FOXC1: variants seen among roughly 807,000 people sequenced by gnomAD.
The protein encoded by FOXC1 is forkhead box protein C1.
In FOXC1, 5 loss-of-function variants were observed where a neutral mutation model predicts 8.1. That is an observed-to-expected ratio of 0.62 (90% confidence interval 0.32 to 1.30). FOXC1 has a LOEUF of 1.30. Among genes scored for constraint, FOXC1 ranks in the 50% most tolerant of loss-of-function variants. The pLI is 0.05. For missense variants in FOXC1, 942 were observed against 858.0 expected (o/e 1.10, Z -1.22); for synonymous variants, 552 against 417.2 (o/e 1.32, Z -3.94).
Position 1,610,649 on chromosome 6 carries a change from G to C in FOXC1, c.204G>C (p.Thr68=), listed in dbSNP as rs35168188. The change falls in exon 1 of 1, where the codon ACG becomes ACC. Residue 68 remains threonine, a synonymous_variant. Transcript: ENST00000645831. The part of the protein sequence containing the change: ...GGMARAYGPY[T]PQPQPKDMVK... Reference sequence around the variant, plus strand: ...TGGCCCGCGCCTACGGGCCCTACACGCCGCAGCCGCAGCCCAAGGACATGG... The same window carrying C: ...TGGCCCGCGCCTACGGGCCCTACACCCCGCAGCCGCAGCCCAAGGACATGG... 5.6e-6 allele frequency: 9 copies of C among 1,613,004 alleles called. No homozygotes were observed. Among genetic ancestry groups the C allele is most frequent in the Middle Eastern group, 1.7e-4 (1 of 5,784 alleles).
Position 1,611,361 on chromosome 6 carries a change from C to A in FOXC1, c.916C>A (p.Gln306Lys). Reference protein sequence around the residue: ...APSAPPPHHSQGFSVDNIMTS... With the variant: ...APSAPPPHHSKGFSVDNIMTS... ...CTCCGCCCCGCCGCCGCACCATAGCCAGGGCTTCAGCGTGGACAACATCAT... is the reference window on the plus strand; with the variant it reads ...CTCCGCCCCGCCGCCGCACCATAGCAAGGGCTTCAGCGTGGACAACATCAT... Residue 306 changes from glutamine (Q) to lysine (K), a missense_variant, in exon 1 of 1, where the codon CAG (glutamine) becomes AAG (lysine). Gln to Lys is a moderately conservative substitution (Grantham distance 53). Around this residue, in one of 4 missense-constraint regions of FOXC1, gnomAD observed 726 missense variants for 599.6 expected, o/e 1.21. Transcript: ENST00000645831. The surrounding 1 kb of genome is among the most constrained non-coding windows in gnomAD (Gnocchi z 7.1). 1 of 1,439,708 alleles carries A rather than the reference C, an allele frequency of 6.9e-7. No homozygotes were observed. 89.2% of individuals were successfully genotyped at this position (1,439,708 alleles called of 1,614,324 possible).
rs952526221 is a variant in FOXC1 at position 1,610,027 on chromosome 6, C to G, written c.-419C>G. ...CGGCCGGCGCGCGGCCCCCCCCCCC[C>G]CCGCCCTGGTTATTTGGCCGCCTTC... On this transcript the variant is annotated 5_prime_UTR_variant, in exon 1 of 1. Transcript: ENST00000645831. 67 of 119,272 alleles carry G rather than the reference C, an allele frequency of 5.6e-4. 1 individual carries two copies. Among genetic ancestry groups the G allele is most frequent in the African/African-American group, 1.8e-3 (60 of 34,040 alleles). The allele number at this position is 119,272 out of a possible 1,614,324, so 7.4% of individuals were successfully genotyped here.
At position 1,612,498 on chromosome 6, in the gene FOXC1, C is replaced by T; in HGVS notation, c.*391C>T. 3 of 389,584 alleles carry T rather than the reference C, an allele frequency of 7.7e-6. No individual in the cohort carries two copies. The highest frequency in any genetic ancestry group is 3.5e-5 in the South Asian group (1 of 28,968). 24.1% of individuals were successfully genotyped at this position (389,584 alleles called of 1,614,324 possible). A position where few individuals can be genotyped will look rare whatever the true frequency, so the allele number is the denominator to read the frequency against. On this transcript the variant is annotated 3_prime_UTR_variant, in exon 1 of 1. Transcript: ENST00000645831. ...CCCTCTCTTGCCTTCTTCCTTGCCT[C>T]TCACCTGTAAGATATTATTTTATCC...
chr6:1,611,086 C>T lies in FOXC1; in HGVS notation c.641C>T (p.Pro214Leu), dbSNP rs1381782521. The T allele has an allele frequency of 1.4e-6, 2 of 1,379,746 alleles. No homozygotes were observed. The highest frequency in any genetic ancestry group is 9.4e-7 in the Non-Finnish European group (1 of 1,061,488). The allele number at this position is 1,379,746 out of a possible 1,614,324, so 85.5% of individuals were successfully genotyped here. The change falls in exon 1 of 1, where the codon CCC becomes CTC. Residue 214 changes from proline (P) to leucine (L), a missense_variant. Around this residue, in one of 4 missense-constraint regions of FOXC1, gnomAD observed 726 missense variants for 599.6 expected, o/e 1.21. Transcript: ENST00000645831. The surrounding 1 kb of genome is among the most constrained non-coding windows in gnomAD (Gnocchi z 7.1). ...APPEQADGNA[P>L]GPQPPPVRIQ... ...CCGGAGCAGGCCGACGGCAACGCGCCCGGTCCGCAGCCGCCGCCCGTGCGC... is the reference window on the plus strand; with the variant it reads ...CCGGAGCAGGCCGACGGCAACGCGCTCGGTCCGCAGCCGCCGCCCGTGCGC...
In FOXC1 at chr6:1,609,926, C is replaced by T. The variant is rs1486569883; in HGVS notation, c.-520C>T. On this transcript the variant is annotated 5_prime_UTR_variant, in exon 1 of 1. Transcript: ENST00000645831. ...CCTGGGTGACGGATGCTCAAAAGTT[C>T]AGAAGTTTTCCCAATGCTTCCTTAA... 1.7e-4 allele frequency: 26 copies of T among 151,642 alleles called. No individual in the cohort carries two copies. The highest frequency in any genetic ancestry group is 6.0e-4 in the African/African-American group (25 of 41,352). 9.4% of individuals were successfully genotyped at this position (151,642 alleles called of 1,614,324 possible). A position where few individuals can be genotyped will look rare whatever the true frequency, so the allele number is the denominator to read the frequency against.
chr6:1,610,434 C>G lies in FOXC1; in HGVS notation c.-12C>G. 1 of 1,276,334 alleles carries G rather than the reference C, an allele frequency of 7.8e-7. No individual in the cohort carries two copies. Among genetic ancestry groups the G allele is most frequent in the Non-Finnish European group, 9.9e-7 (1 of 1,008,550 alleles). 79.1% of individuals were successfully genotyped at this position (1,276,334 alleles called of 1,614,324 possible). ...GGCGGCGGGCGGCGCGGGGCGGCGG[C>G]GAGCGGGGGCCATGCAGGCGCGCTA... On this transcript the variant is annotated 5_prime_UTR_variant, in exon 1 of 1. Coordinates refer to ENST00000645831, the MANE Select transcript of FOXC1 (RefSeq NM_001453.3).
At position 1,611,839 on chromosome 6, in the gene FOXC1, C is replaced by T; in HGVS notation, c.1394C>T (p.Ala465Val). 1 of 1,530,948 alleles carries T rather than the reference C, an allele frequency of 6.5e-7. No individual in the cohort carries two copies. The highest frequency in any genetic ancestry group is 8.8e-7 in the Non-Finnish European group (1 of 1,139,378). The allele number at this position is 1,530,948 out of a possible 1,614,324, so 94.8% of individuals were successfully genotyped here. A position where few individuals can be genotyped will look rare whatever the true frequency, so the allele number is the denominator to read the frequency against. The change falls in exon 1 of 1, where the codon GCC (alanine) becomes GTC (valine). Residue 465 changes from alanine to valine, a missense_variant. Physicochemically the swap from Ala to Val is moderately conservative, Grantham distance 64 (BLOSUM62 0). Around this residue, in one of 4 missense-constraint regions of FOXC1, gnomAD observed 726 missense variants for 599.6 expected, o/e 1.21. Transcript: ENST00000645831. This position sits in a 1 kb window ranked among gnomAD's most constrained non-coding sequence, Gnocchi z 7.1. ...CAGGAGGCCGGCCACCACCCTGCGG[C>T]CCACCAAGGCCGCCTCACCTCGTGG... ...GGQEAGHHPA[A>V]HQGRLTSWYL...
rs1274617683 is a variant in FOXC1, at chr6:1,610,151, C to T, written c.-295C>T. 2 of 151,792 alleles carry T rather than the reference C, an allele frequency of 1.3e-5. No homozygotes were observed. Among genetic ancestry groups the T allele is most frequent in the Non-Finnish European group, 2.9e-5 (2 of 67,990 alleles). 9.4% of individuals were successfully genotyped at this position (151,792 alleles called of 1,614,324 possible). ...TTTTGTCTGCTTTCCCCCGTTTGCG[C>T]CTGGAAGCTGCGCCGCGAGTTCCTG... On this transcript the variant is annotated 5_prime_UTR_variant, in exon 1 of 1. Transcript: ENST00000645831.
In FOXC1 at chr6:1,612,373, A is replaced by G. The variant is rs1396876064; in HGVS notation, c.*266A>G. The G allele has an allele frequency of 1.7e-6, 1 of 592,656 alleles. No individual in the cohort carries two copies. The highest frequency in any genetic ancestry group is 3.0e-6 in the Non-Finnish European group (1 of 328,372). 36.7% of individuals were successfully genotyped at this position (592,656 alleles called of 1,614,324 possible). ...CAAACCCGTAAACTGTTTTATACAG[A>G]GACAGCAAAATCTTGGTTTATTAAA... On this transcript the variant is annotated 3_prime_UTR_variant, in exon 1 of 1. Transcript: ENST00000645831.
Position 1,611,567 on chromosome 6 carries a change from GGGCGGCGGC to G in FOXC1, c.1133_1141del (p.Gly378_Gly380del), listed in dbSNP as rs76840944. 1.7e-4 allele frequency: 192 copies of G among 1,142,682 alleles called. 3 individuals are homozygous for G. The highest frequency in any genetic ancestry group is 7.3e-4 in the South Asian group (20 of 27,470). The allele number at this position is 1,142,682 out of a possible 1,614,324, so 70.8% of individuals were successfully genotyped here. On this transcript the variant is annotated inframe_deletion, in exon 1 of 1. Transcript: ENST00000645831. This position sits in a 1 kb window ranked among gnomAD's most constrained non-coding sequence, Gnocchi z 7.1. ...GCCAGACCTCCAGCGCGGGCAGCTC[GGGCGGCGGC>G]GGCGGCGGCGCGGGGGCCGCGGGGG...
In FOXC1 at chr6:1,612,448, A is replaced by C; in HGVS notation, c.*341A>C. The C allele has an allele frequency of 2.2e-6, 1 of 453,458 alleles. No individual in the cohort carries two copies. Among genetic ancestry groups the C allele is most frequent in the Non-Finnish European group, 4.1e-6 (1 of 242,920 alleles). 28.1% of individuals were successfully genotyped at this position (453,458 alleles called of 1,614,324 possible). On this transcript the variant is annotated 3_prime_UTR_variant, in exon 1 of 1. Transcript: ENST00000645831. ...GTAAGTTTCTTCTTGCTTTTCAGAG[A>C]CCTGCTTTCCCCTCCTCCCGTCTCC...
At position 1,611,040 on chromosome 6, in the gene FOXC1, C is replaced by T; in HGVS notation, c.595C>T (p.Arg199Cys). ...CCTCAAGGAGCCGCCCCCGCCCGGC[C>T]GCCAGCCCCCGCCCGCGCCGCCGGA... ...LHLKEPPPPG[R>C]QPPPAPPEQA... The change falls in exon 1 of 1, where the codon CGC becomes TGC. Residue 199 changes from arginine to cysteine, a missense_variant. Physicochemically the swap from Arg to Cys is radical, Grantham distance 180. Transcript: ENST00000645831. This position sits in a 1 kb window ranked among gnomAD's most constrained non-coding sequence, Gnocchi z 7.1. The T allele has an allele frequency of 2.6e-6, 4 of 1,520,458 alleles. No homozygotes were observed. Among genetic ancestry groups the T allele is most frequent in the Non-Finnish European group, 2.6e-6 (3 of 1,132,568 alleles). The allele number at this position is 1,520,458 out of a possible 1,614,324, so 94.2% of individuals were successfully genotyped here.
Position 1,611,701 on chromosome 6 carries a change from C to A in FOXC1, c.1256C>A (p.Ala419Glu). ...GGHLQGAPGG[A>E]GGSAVDDPLP... ...CACTTGCAGGGCGCGCCCGGGGGCG[C>A]GGGCGGCTCGGCCGTGGACGACCCC... Residue 419 changes from alanine (A) to glutamate (E), a missense_variant, in exon 1 of 1, where the codon GCG becomes GAG. Coordinates refer to ENST00000645831, the MANE Select transcript of FOXC1 (RefSeq NM_001453.3). This position sits in a 1 kb window ranked among gnomAD's most constrained non-coding sequence, Gnocchi z 7.1. The A allele has an allele frequency of 7.0e-7, 1 of 1,433,928 alleles. No homozygotes were observed. The allele number at this position is 1,433,928 out of a possible 1,614,324, so 88.8% of individuals were successfully genotyped here.
At position 1,611,085 on chromosome 6, in the gene FOXC1, C is replaced by T; in HGVS notation, c.640C>T (p.Pro214Ser). The T allele has an allele frequency of 7.2e-7, 1 of 1,381,802 alleles. No homozygotes were observed. Among genetic ancestry groups the T allele is most frequent in the East Asian group, 3.2e-5 (1 of 30,870 alleles). 85.6% of individuals were successfully genotyped at this position (1,381,802 alleles called of 1,614,324 possible). The change falls in exon 1 of 1, where the codon CCC becomes TCC. Residue 214 changes from proline to serine, a missense_variant. Around this residue, in one of 4 missense-constraint regions of FOXC1, gnomAD observed 726 missense variants for 599.6 expected, o/e 1.21. Transcript: ENST00000645831. This position sits in a 1 kb window ranked among gnomAD's most constrained non-coding sequence, Gnocchi z 7.1. ...APPEQADGNA[P>S]GPQPPPVRIQ... Reference sequence around the variant, plus strand: ...GCCGGAGCAGGCCGACGGCAACGCGCCCGGTCCGCAGCCGCCGCCCGTGCG... The same window carrying T: ...GCCGGAGCAGGCCGACGGCAACGCGTCCGGTCCGCAGCCGCCGCCCGTGCG...
rs1476957589 is a variant in FOXC1 at position 1,612,859 on chromosome 6, AATT to A, written c.*757_*759del. 2 of 213,214 alleles carry A rather than the reference AATT, an allele frequency of 9.4e-6. No homozygotes were observed. Among genetic ancestry groups the A allele is most frequent in the African/African-American group, 4.6e-5 (2 of 43,430 alleles). 13.2% of individuals were successfully genotyped at this position (213,214 alleles called of 1,614,324 possible). ...TGTCTGGATACTTTAATAGAGCTTTAATTATTACGAAAAAAGATTTCAGAGATA... is the reference window on the plus strand; with the variant it reads ...TGTCTGGATACTTTAATAGAGCTTTAATTACGAAAAAAGATTTCAGAGATA... On this transcript the variant is annotated 3_prime_UTR_variant, in exon 1 of 1. Coordinates refer to ENST00000645831, the MANE Select transcript of FOXC1 (RefSeq NM_001453.3).
chr6:1,612,877 T>G lies in FOXC1; in HGVS notation c.*770T>G. The G allele has an allele frequency of 4.6e-6, 1 of 215,332 alleles. No individual in the cohort carries two copies. Among genetic ancestry groups the G allele is most frequent in the South Asian group, 1.9e-4 (1 of 5,244 alleles). The allele number at this position is 215,332 out of a possible 1,614,324, so 13.3% of individuals were successfully genotyped here. A position where few individuals can be genotyped will look rare whatever the true frequency, so the allele number is the denominator to read the frequency against. ...GAGCTTTAATTATTACGAAAAAAGA[T>G]TTCAGAGATAAAACACTAGAAGTTA... is the stretch of plus-strand genomic sequence containing the variant. On this transcript the variant is annotated 3_prime_UTR_variant, in exon 1 of 1. Coordinates refer to ENST00000645831, the MANE Select transcript of FOXC1 (RefSeq NM_001453.3).
chr6:1,613,325 G>GA lies in FOXC1; in HGVS notation c.*1223dup, dbSNP rs1762587255. 1 of 230,238 alleles carries GA rather than the reference G, an allele frequency of 4.3e-6. No homozygotes were observed. Among genetic ancestry groups the GA allele is most frequent in the East Asian group, 6.9e-5 (1 of 14,408 alleles). 14.3% of individuals were successfully genotyped at this position (230,238 alleles called of 1,614,324 possible). On this transcript the variant is annotated 3_prime_UTR_variant, in exon 1 of 1. Transcript: ENST00000645831. ...CTATTATTTCAGTCCTTTATAAAAG[G>GA]AAAAATAAACCAGTTTTTAAATGTA...
At position 1,612,929 on chromosome 6, in the gene FOXC1, A is replaced by C; in HGVS notation, c.*822A>C. On this transcript the variant is annotated 3_prime_UTR_variant, in exon 1 of 1. Coordinates refer to ENST00000645831, the MANE Select transcript of FOXC1 (RefSeq NM_001453.3). ...CTATTCTCCACCTAAATCTCTGAAAAATGGAGAAACCCTCTGACTAGTCCA... is the reference window on the plus strand; with the variant it reads ...CTATTCTCCACCTAAATCTCTGAAACATGGAGAAACCCTCTGACTAGTCCA... The C allele has an allele frequency of 4.5e-6, 1 of 221,304 alleles. No homozygotes were observed. The highest frequency in any genetic ancestry group is 9.9e-6 in the Non-Finnish European group (1 of 101,442). The allele number at this position is 221,304 out of a possible 1,614,324, so 13.7% of individuals were successfully genotyped here. A position where few individuals can be genotyped will look rare whatever the true frequency, so the allele number is the denominator to read the frequency against.
chr6:1,611,365 G>T lies in FOXC1; in HGVS notation c.920G>T (p.Gly307Val). The T allele has an allele frequency of 2.8e-6, 4 of 1,442,378 alleles. No individual in the cohort carries two copies. The highest frequency in any genetic ancestry group is 3.6e-6 in the Non-Finnish European group (4 of 1,098,576). 89.3% of individuals were successfully genotyped at this position (1,442,378 alleles called of 1,614,324 possible). Reference protein sequence around the residue: ...PSAPPPHHSQGFSVDNIMTSL... With the variant: ...PSAPPPHHSQVFSVDNIMTSL... ...GCCCCGCCGCCGCACCATAGCCAGG[G>T]CTTCAGCGTGGACAACATCATGACG... Residue 307 changes from glycine (G) to valine (V), a missense_variant, in exon 1 of 1, where the codon GGC becomes GTC. By Grantham distance (109) the Gly-to-Val change is moderately radical (BLOSUM62 -3). Coordinates refer to ENST00000645831, the MANE Select transcript of FOXC1 (RefSeq NM_001453.3). This position sits in a 1 kb window ranked among gnomAD's most constrained non-coding sequence, Gnocchi z 7.1.
Sources: gnomAD v4.1 joint callset for allele counts on GRCh38, gnomAD v4.1.1 for gene constraint, gnomAD v4.1.1 regional missense constraint, Gnocchi (gnomAD v3.1) non-coding constraint, MANE v1.5 for transcripts, NCBI Gene and HGNC (gene_info 2026-07-23, HGNC 2026-07-21) for gene names.